Variants in MPZ observed in about 807,000 individuals in gnomAD.
MPZ encodes myelin protein zero.
A neutral mutation model predicts 27.9 loss-of-function variants in MPZ; 13 were observed. The ratio of observed to expected loss-of-function variants is 0.47; its 90% CI spans 0.30 to 0.74. The LOEUF (loss-of-function observed/expected upper bound fraction) is 0.74, where lower values mean the gene tolerates loss of function less well. Among genes scored for constraint, MPZ ranks in the 30% least tolerant of loss-of-function variants. The pLI is 0.06. For synonymous variants in MPZ, 118 were observed against 128.9 expected, an observed-to-expected ratio of 0.92 and a Z score of 0.57; for missense variants, 256 against 317.5, an observed-to-expected ratio of 0.81 and a Z score of 1.47.
At chr1:161,307,912 T>C (rs1354885515) in intron 1 of MPZ, among the ~76,000 whole-genome samples, 1 of 152,214 alleles carries the variant, frequency 6.6e-6, no homozygotes, top group Non-Finnish European at 1.5e-5. Flanking sequence ...TAACAAGTTA[T>C]CCATTTAATA....
chr1:161,309,549 TATA>T (rs1670345630), intron 1 of MPZ, among the ~76,000 whole-genome samples: 1 of 116,950 alleles, frequency 8.6e-6, no homozygotes, highest in African/African-American at 3.4e-5. Context: ...TATATATATA[TATA>T]TTTTTTTTTT....
downstream of MPZ, among the ~76,000 whole-genome samples, chr1:161,304,235 G>C (rs1185235994): frequency 6.6e-6 from 1 of 152,146 alleles, no homozygotes; most frequent in Non-Finnish European, 1.5e-5. Context: ...ACTACCTTAG[G>C]CAAGCACTAG....
At position 161,309,522 on chromosome 1, in the gene MPZ, A is replaced by AT. The variant is rs556430906; in HGVS notation, c.67+316dup. Among the ~76,000 whole-genome samples, 13 of 102,544 alleles carry AT rather than the reference A, an allele frequency of 1.3e-4. No individual in the cohort carries two copies. In the South Asian group the frequency reaches 1.6e-3, roughly 12 times the overall value. 67.3% of individuals were successfully genotyped at this position (102,544 alleles called of 152,430 possible). A position where few individuals can be genotyped will look rare whatever the true frequency, so the allele number is the denominator to read the frequency against. On this transcript the variant is annotated intron_variant, in intron 1 of 5. Transcript: ENST00000533357. ...CTCTACTTCCTCCCTCTAAATGCATATTTTTTTCTTTTCATATATATATAT... is the reference window on the plus strand; with the variant it reads ...CTCTACTTCCTCCCTCTAAATGCATATTTTTTTTCTTTTCATATATATATAT...
chr1:161,308,918 AC>A (rs2102261482), intron 1 of MPZ, among the ~76,000 whole-genome samples: 1 of 152,242 alleles, frequency 6.6e-6, no homozygotes, highest in East Asian at 1.9e-4. Flanking sequence ...CAAGCAGCTG[AC>A]AGCAGAGAAC....
chr1:161,308,265 G>A (rs1254538579), intron 1 of MPZ, among the ~76,000 whole-genome samples: 1 of 152,158 alleles, frequency 6.6e-6, no homozygotes, highest in African/African-American at 2.4e-5. Flanking sequence ...GAAGGGAAGG[G>A]CCTCATACCC....
In MPZ at chr1:161,306,883, C is replaced by T; in HGVS notation, c.273G>A (p.Glu91=). 6.2e-7 allele frequency: 1 copy of T among 1,613,784 alleles called. No individual in the cohort carries two copies. Among genetic ancestry groups the T allele is most frequent in the Non-Finnish European group, 8.5e-7 (1 of 1,179,984 alleles). ...GGATGCGCTCTTTGAAGGTCCCCACCTCGTCAATGTAGGGTTGTCCCTTGG... is the reference window on the plus strand; with the variant it reads ...GGATGCGCTCTTTGAAGGTCCCCACTTCGTCAATGTAGGGTTGTCCCTTGG... ...HYAKGQPYID[E]VGTFKERIQW... is the part of the protein sequence containing the mutation. The change falls in exon 3 of 6, where the codon GAG becomes GAA. Residue 91 remains glutamate, a synonymous_variant. Coordinates refer to ENST00000533357, the MANE Select transcript of MPZ (RefSeq NM_000530.8).
At chr1:161,306,020 T>G (rs1340524701) in intron 5 of MPZ, 43 bp from the exon 6 acceptor site, 1 of 1,608,900 alleles carries the variant, frequency 6.2e-7, no homozygotes, top group Non-Finnish European at 8.5e-7. Flanking sequence ...CGACTGGGGC[T>G]TGACTGTTCC....
chr1:161,305,757 G>T lies in MPZ; in HGVS notation c.*119C>A. On this transcript the variant is annotated 3_prime_UTR_variant, in exon 6 of 6. Coordinates refer to ENST00000533357, the MANE Select transcript of MPZ (RefSeq NM_000530.8). ...GCTGGTTCTGCTGGGGGACTTGACA[G>T]CAGGCCGGAGCTCCGGGCTCTGCTC... The T allele has an allele frequency of 1.4e-6, 1 of 722,698 alleles. No homozygotes were observed. The highest frequency in any genetic ancestry group is 1.8e-5 in the South Asian group (1 of 55,102). 44.8% of individuals were successfully genotyped at this position (722,698 alleles called of 1,614,324 possible).
Position 161,309,535 on chromosome 1 carries a change from C to CAT in MPZ, c.67+302_67+303dup, listed in dbSNP as rs568535304. Among the ~76,000 whole-genome samples the CAT allele has an allele frequency of 2.1e-3, 236 of 112,344 alleles. 12 individuals are homozygous for CAT. The highest frequency in any genetic ancestry group is 6.0e-3 in the African/African-American group (159 of 26,424). The allele number at this position is 112,344 out of a possible 152,430, so 73.7% of individuals were successfully genotyped here. On this transcript the variant is annotated intron_variant, in intron 1 of 5. Coordinates refer to ENST00000533357, the MANE Select transcript of MPZ (RefSeq NM_000530.8). ...CTCTAAATGCATATTTTTTTCTTTTCATATATATATATATATATTTTTTTT... is the reference window on the plus strand; with the variant it reads ...CTCTAAATGCATATTTTTTTCTTTTCATATATATATATATATATATTTTTTTT...
At position 161,306,146 on chromosome 1, in the gene MPZ, G is replaced by A. The variant is rs537709350; in HGVS notation, c.607C>T (p.His203Tyr). The A allele has an allele frequency of 6.2e-7, 1 of 1,614,222 alleles. No individual in the cohort carries two copies. Among genetic ancestry groups the A allele is most frequent in the Non-Finnish European group, 8.5e-7 (1 of 1,180,046 alleles). Residue 203 changes from histidine to tyrosine, a missense_variant, in exon 5 of 6, where the codon CAC becomes TAC. Physicochemically the swap from His to Tyr is moderately conservative, Grantham distance 83. Coordinates refer to ENST00000533357, the MANE Select transcript of MPZ (RefSeq NM_000530.8). ...TTCGACGCGTCCTTTCCTGGCTTGT[G>A]CAATTTCCCCTTCTCCATAGCACTG... ...RLSAMEKGKL[H>Y]KPGKDASKRG...
chr1:161,307,323 A>C lies in MPZ; in HGVS notation c.169T>G (p.Trp57Gly). Residue 57 changes from tryptophan to glycine, a missense_variant, in exon 2 of 6, where the codon TGG becomes GGG. Trp to Gly is a radical substitution (Grantham distance 184). Coordinates refer to ENST00000533357, the MANE Select transcript of MPZ (RefSeq NM_000530.8). Reference sequence around the variant, plus strand: ...GTGAAGGAGATGTCATCTGAGACCCACTCACTGGACCAGAAGGAGCAGTGC... The same window carrying C: ...GTGAAGGAGATGTCATCTGAGACCCCCTCACTGGACCAGAAGGAGCAGTGC... ...TLHCSFWSSE[W>G]VSDDISFTWR... 1 of 1,614,202 alleles carries C rather than the reference A, an allele frequency of 6.2e-7. No individual in the cohort carries two copies. Among genetic ancestry groups the C allele is most frequent in the Non-Finnish European group, 8.5e-7 (1 of 1,180,022 alleles).
chr1:161,307,003 A>G, intron 2 of MPZ, 82 bp from the exon 3 acceptor site: 1 of 893,056 alleles, frequency 1.1e-6, no homozygotes, highest in Non-Finnish European at 1.7e-6. Flanking sequence ...TTTGTTACAG[A>G]AAGAAAAAAG....
At position 161,309,552 on chromosome 1, in the gene MPZ, A is replaced by ATATATTTTTTTTTTTTT; in HGVS notation, c.67+286_67+287insAAAAAAAAAAAAATATA. On this transcript the variant is annotated intron_variant, in intron 1 of 5. Coordinates refer to ENST00000533357, the MANE Select transcript of MPZ (RefSeq NM_000530.8). ...TTTCTTTTCATATATATATATATAT[A>ATATATTTTTTTTTTTTT]TTTTTTTTTTTTTTGAATTTTACAG... Among the ~76,000 whole-genome samples, 236 of 80,528 alleles carry ATATATTTTTTTTTTTTT rather than the reference A, an allele frequency of 2.9e-3. 1 individual carries two copies. Among genetic ancestry groups the ATATATTTTTTTTTTTTT allele is most frequent in the African/African-American group, 9.9e-3 (170 of 17,236 alleles). 52.8% of individuals were successfully genotyped at this position (80,528 alleles called of 152,430 possible).
intron 1 of MPZ, among the ~76,000 whole-genome samples, chr1:161,309,552 A>ATATTTTTTTTTTTTTTTTT: frequency 2.1e-4 from 17 of 80,636 alleles, no homozygotes; most frequent in African/African-American, 6.3e-4. Context: ...ATATATATAT[A>ATATTTTTTTTTTTTTTTTT]TTTTTTTTTT....
intron 1 of MPZ, 27 bp downstream of exon 1, chr1:161,309,812 C>G: frequency 6.4e-7 from 1 of 1,555,356 alleles, no homozygotes; most frequent in Non-Finnish European, 8.7e-7. Flanking sequence ...AGTCCCAAGA[C>G]TCCCAGAGTA....
rs1553259811 is a variant in MPZ at position 161,307,388 on chromosome 1, T to C, written c.104A>G (p.Asp35Gly). The change falls in exon 2 of 6, where the codon GAC becomes GGC. Residue 35 changes from aspartate (D) to glycine (G), a missense_variant. By Grantham distance (94) the Asp-to-Gly change is moderately conservative (BLOSUM62 -1). Coordinates refer to ENST00000533357, the MANE Select transcript of MPZ (RefSeq NM_000530.8). ...SPAQAIVVYTDREVHGAVGSR... is the reference protein window; with the variant it reads ...SPAQAIVVYTGREVHGAVGSR... ...GCCCACAGCACCATGGACCTCCCTG[T>C]CGGTGTAAACCACGATGGCCTGGGC... 1 of 1,614,244 alleles carries C rather than the reference T, an allele frequency of 6.2e-7. No individual in the cohort carries two copies. The highest frequency in any genetic ancestry group is 8.5e-7 in the Non-Finnish European group (1 of 1,180,044).
chr1:161,307,386 T>A lies in MPZ; in HGVS notation c.106A>T (p.Arg36Trp), dbSNP rs864622732. Residue 36 changes from arginine to tryptophan, a missense_variant, in exon 2 of 6, where the codon AGG becomes TGG. Arg to Trp is a moderately radical substitution (Grantham distance 101, BLOSUM62 -3). Around this residue, in one of 2 missense-constraint regions of MPZ, gnomAD observed 155 missense variants for 223.9 expected, o/e 0.69. Coordinates refer to ENST00000533357, the MANE Select transcript of MPZ (RefSeq NM_000530.8). ...GAGCCCACAGCACCATGGACCTCCCTGTCGGTGTAAACCACGATGGCCTGG... is the reference window on the plus strand; with the variant it reads ...GAGCCCACAGCACCATGGACCTCCCAGTCGGTGTAAACCACGATGGCCTGG... ...PAQAIVVYTD[R>W]EVHGAVGSRV... 1 of 1,614,268 alleles carries A rather than the reference T, an allele frequency of 6.2e-7. No individual in the cohort carries two copies. Among genetic ancestry groups the A allele is most frequent in the Non-Finnish European group, 8.5e-7 (1 of 1,180,052 alleles).
downstream of MPZ, among the ~76,000 whole-genome samples, chr1:161,304,527 T>C (rs1358993349): frequency 6.6e-6 from 1 of 152,012 alleles, no homozygotes; most frequent in Non-Finnish European, 1.5e-5. Flanking sequence ...ACTGGCAGAG[T>C]TTACAACGTA....
rs543191426 is a variant in MPZ at position 161,305,938 on chromosome 1, T to C, written c.685A>G (p.Thr229Ala). 2.5e-6 allele frequency: 4 copies of C among 1,614,006 alleles called. No individual in the cohort carries two copies. In the African/African-American group the frequency reaches 5.3e-5, roughly 22 times the overall value. Residue 229 changes from threonine to alanine, a missense_variant, in exon 6 of 6, where the codon ACC (threonine) becomes GCC (alanine). By Grantham distance (58) the Thr-to-Ala change is moderately conservative. This residue lies in a region of MPZ where 101 missense variants were observed against 93.6 expected (regional missense o/e 1.08). Transcript: ENST00000533357. ...GCCTTCTTCTCACTGACAGCTTTGG[T>C]GCTTCTGCTGTGGTCCAGCATTGCA... ...LYAMLDHSRS[T>A]KAVSEKKAKG...
Sources: allele counts gnomAD v4.1 joint callset (sites outside exome capture counted in the v4.1 genomes callset), GRCh38; gene constraint gnomAD v4.1.1; regional missense constraint gnomAD v4.1.1; transcripts MANE v1.5; gene names NCBI Gene and HGNC (gene_info 2026-07-23, HGNC 2026-07-21).